Variants in STARD13 observed in about 807,000 individuals in gnomAD.
STARD13 encodes StAR related lipid transfer domain containing 13.
STARD13 carries 62 observed loss-of-function variants against 106.4 expected under a neutral mutation model. The ratio of observed to expected loss-of-function variants is 0.58; its 90% CI spans 0.48 to 0.72. The LOEUF (loss-of-function observed/expected upper bound fraction) is 0.72. Ranked by LOEUF, STARD13 falls within the 30% of genes least tolerant of loss-of-function variation. STARD13 has a pLI of 0.00. For synonymous variants in STARD13, 565 were observed against 553.0 expected (o/e 1.02, Z -0.31); for missense variants, 1,387 against 1,424.0 (o/e 0.97, Z 0.42).
intron 4 of STARD13, among the ~76,000 whole-genome samples, chr13:33,140,101 G>A (rs1455792529): frequency 6.6e-6 from 1 of 152,232 alleles, no homozygotes; most frequent in African/African-American, 2.4e-5. Context: ...CCAATTTACA[G>A]AGGAGCTTTT....
chr13:33,488,009 G>T, the STARD13 span, among the ~76,000 whole-genome samples: 1 of 152,058 alleles, frequency 6.6e-6, no homozygotes, highest in Non-Finnish European at 1.5e-5. Context: ...TCCTTCCCTT[G>T]GTGATACCAT....
Position 33,112,943 on chromosome 13 carries a change from T to A in STARD13, c.2282-12A>T, listed in dbSNP as rs779385913. On this transcript the variant is annotated splice_polypyrimidine_tract_variant and intron_variant, in intron 8 of 13. Coordinates refer to ENST00000336934, the MANE Select transcript of STARD13 (RefSeq NM_178006.4). ...CTCTTTGGAGACATCTGAGGAAAAGTGGATGCCAGGTCATTGGAGGAGCAG... is the reference window on the plus strand; with the variant it reads ...CTCTTTGGAGACATCTGAGGAAAAGAGGATGCCAGGTCATTGGAGGAGCAG... The A allele has an allele frequency of 6.3e-7, 1 of 1,592,174 alleles. No individual in the cohort carries two copies. The highest frequency in any genetic ancestry group is 8.5e-7 in the Non-Finnish European group (1 of 1,169,738).
At chr13:33,605,342 CAAAGT>C in the STARD13 span, among the ~76,000 whole-genome samples, 1 of 151,382 alleles carries the variant, frequency 6.6e-6, no homozygotes, top group African/African-American at 2.4e-5. Context: ...CTCAGCCTCC[CAAAGT>C]GTTGGAACTA....
intron 1 of STARD13, chr13:33,279,354 G>A (rs2321168): frequency 0.98 from 149,261 of 152,344 alleles, 73,211 homozygotes; most frequent in East Asian, 1. Context: ...ATTTTGCATT[G>A]TAAGAGTTGA....
chr13:33,124,627 C>A (rs547878232), intron 7 of STARD13, among the ~76,000 whole-genome samples: 1 of 152,102 alleles, frequency 6.6e-6, no homozygotes, highest in Non-Finnish European at 1.5e-5. Flanking sequence ...TGGCACTGCA[C>A]ATTATTCAGA....
the STARD13 span, among the ~76,000 whole-genome samples, chr13:33,551,786 C>T: frequency 6.6e-6 from 1 of 151,332 alleles, no homozygotes; most frequent in Non-Finnish European, 1.5e-5. Flanking sequence ...TTGATAGAGG[C>T]AGGGTTTCAC....
At chr13:33,651,014 G>T in the STARD13 span, among the ~76,000 whole-genome samples, 2 of 152,206 alleles carry the variant, frequency 1.3e-5, no homozygotes, top group Non-Finnish European at 1.5e-5. Flanking sequence ...CCCAGTCTTT[G>T]GTGGTTTGTT....
chr13:33,627,671 G>T, the STARD13 span, among the ~76,000 whole-genome samples: 15 of 151,882 alleles, frequency 9.9e-5, no homozygotes, highest in African/African-American at 3.4e-4. Flanking sequence ...TCTGCCTCAA[G>T]ATAGGTTGAG....
chr13:33,479,629 T>C, the STARD13 span, among the ~76,000 whole-genome samples: 2 of 152,176 alleles, frequency 1.3e-5, no homozygotes, highest in Admixed American at 6.5e-5. Context: ...TTGATATACT[T>C]TGGATATGTG....
the STARD13 span, among the ~76,000 whole-genome samples, chr13:33,491,332 G>A: frequency 6.6e-6 from 1 of 152,206 alleles, no homozygotes; most frequent in Non-Finnish European, 1.5e-5. Flanking sequence ...TGAAAACATT[G>A]ATGATTTGAT....
the STARD13 span, among the ~76,000 whole-genome samples, chr13:33,434,638 T>C: frequency 2.0e-5 from 3 of 152,070 alleles, no homozygotes; most frequent in African/African-American, 7.2e-5. Flanking sequence ...CTCTTCAAAC[T>C]GGGGTATTCG....
At chr13:33,250,932 T>C (rs1183430373) in intron 1 of STARD13, among the ~76,000 whole-genome samples, 1 of 152,108 alleles carries the variant, frequency 6.6e-6, no homozygotes, top group Non-Finnish European at 1.5e-5. Flanking sequence ...GGGCATGGCA[T>C]GGTGTAGAAG....
chr13:33,404,158 G>A, the STARD13 span, among the ~76,000 whole-genome samples: 62 of 152,276 alleles, frequency 4.1e-4, no homozygotes, highest in African/African-American at 1.4e-3. Context: ...TGGGAAAGAC[G>A]TCTTAATGGC....
chr13:33,313,073 T>G (rs1893201615), intron 1 of STARD13, among the ~76,000 whole-genome samples: 1 of 152,224 alleles, frequency 6.6e-6, no homozygotes, highest in South Asian at 2.1e-4. Context: ...CCAGTTTTGC[T>G]GTTGGATATG....
chr13:33,423,946 G>A, the STARD13 span, among the ~76,000 whole-genome samples: 1 of 152,132 alleles, frequency 6.6e-6, no homozygotes, highest in Admixed American at 6.6e-5. Flanking sequence ...GCCTGTCGGG[G>A]AGTGGCAAGC....
chr13:33,275,250 T>C (rs1891365880), intron 1 of STARD13, among the ~76,000 whole-genome samples: 3 of 152,174 alleles, frequency 2.0e-5, no homozygotes, highest in Admixed American at 2.0e-4. Context: ...ACACAAAAAA[T>C]GTGGCATTAT....
the STARD13 span, among the ~76,000 whole-genome samples, chr13:33,609,085 CAAAAAAA>C: frequency 4.0e-5 from 2 of 50,586 alleles, no homozygotes; most frequent in East Asian, 6.0e-4. Context: ...GACTCCGTCT[CAAAAAAA>C]AAAAAAAAAA....
chr13:33,571,977 T>C, the STARD13 span, among the ~76,000 whole-genome samples: 1 of 152,134 alleles, frequency 6.6e-6, no homozygotes, highest in Non-Finnish European at 1.5e-5. Flanking sequence ...GGACCTTAAG[T>C]TAGCAGTGTG....
chr13:33,617,875 T>C, the STARD13 span, among the ~76,000 whole-genome samples: 1 of 152,182 alleles, frequency 6.6e-6, no homozygotes, highest in South Asian at 2.1e-4. Flanking sequence ...GAGAGGAATA[T>C]GTTCTCTCAA....
Sources: gnomAD v4.1 joint callset for allele counts (sites outside exome capture counted in the v4.1 genomes callset) on GRCh38, gnomAD v4.1.1 for gene constraint, MANE v1.5 for transcripts, NCBI Gene and HGNC (gene_info 2026-07-23, HGNC 2026-07-21) for gene names.